Variants in GRM1 observed in about 807,000 individuals in gnomAD.
The protein encoded by GRM1 is glutamate metabotropic receptor 1.
Under a neutral mutation model 90.9 loss-of-function variants are expected in GRM1, and 33 were observed. The ratio of observed to expected loss-of-function variants is 0.36; its 90% confidence interval spans 0.28 to 0.49. The LOEUF is 0.49. Ranked by LOEUF, GRM1 falls within the 20% of genes least tolerant of loss-of-function variation. The pLI is 0.99. For missense variants in GRM1, 1,190 were observed against 1,534.3 expected, an observed-to-expected ratio of 0.78 and a Z score of 3.75; for synonymous variants, 700 against 613.2, an observed-to-expected ratio of 1.14 and a Z score of -2.09.
intron 3 of GRM1, among the ~76,000 whole-genome samples, chr6:146,312,784 G>A (rs938883320): frequency 6.6e-6 from 1 of 152,166 alleles, no homozygotes; most frequent in Non-Finnish European, 1.5e-5. Flanking sequence ...ATATCCTGAC[G>A]AATTACAACA....
intron 6 of GRM1, among the ~76,000 whole-genome samples, chr6:146,387,856 A>G (rs1365420034): frequency 6.6e-6 from 1 of 152,094 alleles, no homozygotes; most frequent in Admixed American, 6.6e-5. Flanking sequence ...GGTGAATGAC[A>G]TTATGATACC....
At chr6:146,117,432 G>T (rs1385967404) in intron 1 of GRM1, among the ~76,000 whole-genome samples, 3 of 151,378 alleles carry the variant, frequency 2.0e-5, no homozygotes, top group African/African-American at 4.8e-5. Flanking sequence ...ATTTTTTATT[G>T]ACCTATTTGT....
chr6:146,118,140 C>CTTT (rs67033918), intron 1 of GRM1, among the ~76,000 whole-genome samples: 41 of 115,436 alleles, frequency 3.6e-4, no homozygotes, highest in Non-Finnish European at 4.3e-4. Flanking sequence ...TTCTTCTTTT[C>CTTT]TTTTTTTTTT....
chr6:146,043,987 G>A (rs959540007), intron 1 of GRM1, among the ~76,000 whole-genome samples: 1 of 151,644 alleles, frequency 6.6e-6, no homozygotes, highest in Non-Finnish European at 1.5e-5. Context: ...AAGAATCCTT[G>A]AGTGTTGATC....
chr6:146,359,501 A>G (rs566077669), intron 5 of GRM1, among the ~76,000 whole-genome samples: 1 of 152,196 alleles, frequency 6.6e-6, no homozygotes, highest in Non-Finnish European at 1.5e-5. Flanking sequence ...TGGAACTGCA[A>G]AGTTCAGTTT....
intron 2 of GRM1, among the ~76,000 whole-genome samples, chr6:146,259,285 A>C (rs1781596033): frequency 6.6e-6 from 1 of 152,174 alleles, no homozygotes; most frequent in Admixed American, 6.5e-5. Flanking sequence ...AGTGCTTATC[A>C]CACTGACTTT....
chr6:146,414,280 C>A (rs1471994317), intron 7 of GRM1, among the ~76,000 whole-genome samples: 10 of 151,894 alleles, frequency 6.6e-5, no homozygotes, highest in African/African-American at 2.4e-4. Context: ...GACTAATGAT[C>A]TTGAGAGTCT....
chr6:146,323,481 C>T (rs1583324622), intron 3 of GRM1, among the ~76,000 whole-genome samples: 1 of 152,018 alleles, frequency 6.6e-6, no homozygotes, highest in East Asian at 1.9e-4. Context: ...ATTGTAGATT[C>T]TGGATATTAG....
intron 2 of GRM1, among the ~76,000 whole-genome samples, chr6:146,298,987 T>G (rs1036938092): frequency 5.3e-5 from 8 of 152,234 alleles, no homozygotes; most frequent in Non-Finnish European, 1.0e-4. Context: ...GTCTAGAGTT[T>G]CATGGCAATG....
At chr6:146,391,523 G>A (rs1403039586) in intron 6 of GRM1, among the ~76,000 whole-genome samples, 1 of 151,640 alleles carries the variant, frequency 6.6e-6, no homozygotes, top group Non-Finnish European at 1.5e-5. Context: ...TCTAGTTTTG[G>A]GATAAACAAA....
intron 1 of GRM1, among the ~76,000 whole-genome samples, chr6:146,106,228 A>C (rs1775294048): frequency 6.6e-6 from 1 of 152,210 alleles, no homozygotes; most frequent in Admixed American, 6.5e-5. Context: ...TTCTCTTTAA[A>C]TGCAACTCAT....
chr6:146,402,374 A>G (rs1244549031), intron 7 of GRM1, among the ~76,000 whole-genome samples: 2 of 152,076 alleles, frequency 1.3e-5, no homozygotes, highest in Non-Finnish European at 2.9e-5. Context: ...GTGAGACTGT[A>G]ATTTTAGTAT....
chr6:146,335,095 C>T (rs1253939689), intron 3 of GRM1, among the ~76,000 whole-genome samples: 4 of 152,080 alleles, frequency 2.6e-5, no homozygotes, highest in Admixed American at 2.6e-4. Flanking sequence ...CAGTTAAGAG[C>T]AATTTAGATA....
At chr6:146,361,487 G>A (rs1775468424) in intron 5 of GRM1, among the ~76,000 whole-genome samples, 1 of 152,148 alleles carries the variant, frequency 6.6e-6, no homozygotes, top group Non-Finnish European at 1.5e-5. Context: ...TGAAGGACAG[G>A]AAAGGGGTAG....
chr6:146,028,232 AGT>A (rs60190108), upstream of GRM1, among the ~76,000 whole-genome samples: 21,178 of 129,890 alleles, frequency 0.16, 1,676 homozygotes, highest in African/African-American at 0.21. Flanking sequence ...AGTGGAAGGG[AGT>A]GTGTGTGTGT....
chr6:146,319,257 G>A (rs1215240725), intron 3 of GRM1, among the ~76,000 whole-genome samples: 4 of 152,142 alleles, frequency 2.6e-5, no homozygotes, highest in Admixed American at 6.6e-5. Context: ...TGTCAGGTTT[G>A]TCAAAGATCA....
chr6:146,138,591 T>C (rs1371526727), intron 1 of GRM1, among the ~76,000 whole-genome samples: 3 of 152,172 alleles, frequency 2.0e-5, no homozygotes, highest in Admixed American at 2.0e-4. Context: ...GATTTCTTCC[T>C]GGTTCAATCT....
intron 1 of GRM1, among the ~76,000 whole-genome samples, chr6:146,143,529 T>C (rs1264133403): frequency 6.6e-6 from 1 of 152,198 alleles, no homozygotes; most frequent in Non-Finnish European, 1.5e-5. Context: ...GGTTTTGTCA[T>C]ATGTTGGGTG....
At chr6:146,257,849 T>TG (rs1304978651) in intron 2 of GRM1, among the ~76,000 whole-genome samples, 1 of 152,068 alleles carries the variant, frequency 6.6e-6, no homozygotes, top group East Asian at 1.9e-4. Context: ...CAAATTTTAT[T>TG]GGGAAACACT....
Sources: allele counts gnomAD v4.1 joint callset (sites outside exome capture counted in the v4.1 genomes callset), GRCh38; gene constraint gnomAD v4.1.1; transcripts MANE v1.5; gene names NCBI Gene and HGNC (gene_info 2026-07-23, HGNC 2026-07-21).